The following CLSTN2 variants were observed in gnomAD, a reference collection of about 807,000 sequenced individuals.
CLSTN2 encodes calsyntenin-2.
CLSTN2 carries 48 observed loss-of-function variants against 101.2 expected under a neutral mutation model. The observed-to-expected ratio is 0.47, with a 90% CI of 0.38 to 0.60. CLSTN2 has a LOEUF of 0.60. Ranked by LOEUF, CLSTN2 falls within the 20% of genes least tolerant of loss-of-function variation. The pLI, the probability that CLSTN2 is intolerant of heterozygous loss-of-function variation, is 0.00. For missense variants in CLSTN2, 1,160 were observed against 1,238.2 expected (o/e 0.94, Z 0.95); for synonymous variants, 481 against 463.6 (o/e 1.04, Z -0.48).
At chr3:140,330,954 T>C (rs1040580619) in intron 2 of CLSTN2, among the ~76,000 whole-genome samples, 4 of 152,132 alleles carry the variant, frequency 2.6e-5, no homozygotes, top group Non-Finnish European at 5.9e-5. Flanking sequence ...TATATCTATA[T>C]AGAAAAGGGA....
At chr3:140,085,274 G>T (rs1367915751) in intron 1 of CLSTN2, among the ~76,000 whole-genome samples, 4 of 152,206 alleles carry the variant, frequency 2.6e-5, no homozygotes, top group Non-Finnish European at 5.9e-5. Context: ...TAGAGAACGT[G>T]TTCCCCTGTT....
chr3:140,039,315 G>A (rs114833781), intron 1 of CLSTN2, among the ~76,000 whole-genome samples: 1,573 of 151,498 alleles, frequency 0.01, 26 homozygotes, highest in African/African-American at 0.034. Flanking sequence ...GGCTTTTAGC[G>A]TTACTTTTAA....
chr3:140,190,740 C>A (rs1377046915), intron 2 of CLSTN2, among the ~76,000 whole-genome samples: 1 of 151,996 alleles, frequency 6.6e-6, no homozygotes, highest in South Asian at 2.1e-4. Flanking sequence ...TATAGACATA[C>A]AATTTTTTTT....
At chr3:140,473,827 G>A (rs1015723990) in intron 8 of CLSTN2, among the ~76,000 whole-genome samples, 3 of 151,720 alleles carry the variant, frequency 2.0e-5, no homozygotes, top group Non-Finnish European at 4.4e-5. Flanking sequence ...GTGCGATCTT[G>A]GCTCACTGTA....
chr3:140,546,577 A>G lies in CLSTN2; in HGVS notation c.1570A>G (p.Ile524Val). 6.2e-7 allele frequency: 1 copy of G among 1,614,096 alleles called. No homozygotes were observed. Among genetic ancestry groups the G allele is most frequent in the Non-Finnish European group, 8.5e-7 (1 of 1,179,984 alleles). The change falls in exon 10 of 17, where the codon ATC becomes GTC. Residue 524 changes from isoleucine (I) to valine (V), a missense_variant. Coordinates refer to ENST00000458420, the MANE Select transcript of CLSTN2 (RefSeq NM_022131.3). ...FFHGSLASLT[I>V]RPGKMESQKV... Reference sequence around the variant, plus strand: ...TCATGGAAGCCTGGCCAGTCTCACCATCCGCCCTGGCAAAATGGAAAGCCA... The same window carrying G: ...TCATGGAAGCCTGGCCAGTCTCACCGTCCGCCCTGGCAAAATGGAAAGCCA...
intron 8 of CLSTN2, among the ~76,000 whole-genome samples, chr3:140,503,292 T>C (rs918293386): frequency 6.6e-6 from 1 of 152,224 alleles, no homozygotes; most frequent in Non-Finnish European, 1.5e-5. Flanking sequence ...ATAGACTGCA[T>C]ATAGGAAGGT....
intron 2 of CLSTN2, among the ~76,000 whole-genome samples, chr3:140,196,130 C>G (rs2010640205): frequency 6.6e-6 from 1 of 152,164 alleles, no homozygotes; most frequent in African/African-American, 2.4e-5. Context: ...AGAAGAATGC[C>G]TGGGAACAGC....
intron 1 of CLSTN2, among the ~76,000 whole-genome samples, chr3:140,167,310 G>T (rs9855981): frequency 0.72 from 109,378 of 152,144 alleles, 41,989 homozygotes; most frequent in East Asian, 0.91. Flanking sequence ...GCCCATCCAC[G>T]TTCTTCTGCC....
intron 1 of CLSTN2, among the ~76,000 whole-genome samples, chr3:140,116,632 G>A (rs181562197): frequency 3.9e-5 from 6 of 152,160 alleles, no homozygotes; most frequent in East Asian, 1.9e-4. Flanking sequence ...TAACTTTTGC[G>A]CCCCCCAGGT....
At chr3:140,301,920 A>G (rs182916406) in intron 2 of CLSTN2, among the ~76,000 whole-genome samples, 148 of 152,128 alleles carry the variant, frequency 9.7e-4, no homozygotes, top group African/African-American at 3.5e-3. Context: ...TTTTTTGGAA[A>G]AGAGTCTTTG....
chr3:140,249,629 T>C (rs1159228532), intron 2 of CLSTN2, among the ~76,000 whole-genome samples: 3 of 152,220 alleles, frequency 2.0e-5, no homozygotes, highest in African/African-American at 7.2e-5. Context: ...ATCTCCATTT[T>C]ACAGATGAGA....
At chr3:140,076,314 G>T (rs182846962) in intron 1 of CLSTN2, among the ~76,000 whole-genome samples, 1 of 152,242 alleles carries the variant, frequency 6.6e-6, no homozygotes, top group East Asian at 1.9e-4. Context: ...TCTGTTGATG[G>T]ACTCTTAGGC....
At chr3:140,486,416 A>C (rs1056911847) in intron 8 of CLSTN2, among the ~76,000 whole-genome samples, 1 of 152,236 alleles carries the variant, frequency 6.6e-6, no homozygotes, top group East Asian at 1.9e-4. Context: ...TTAAGGGCAA[A>C]GGAACAATAG....
rs190646391 is a variant in CLSTN2, at chr3:139,962,318, A to C, written c.109+26835A>C. Among the ~76,000 whole-genome samples, 3 of 152,310 alleles carry C rather than the reference A, an allele frequency of 2.0e-5. No individual in the cohort carries two copies. In the East Asian group the frequency reaches 5.8e-4, roughly 29 times the overall value. ...AAAGTGCACATATTGAAAGTATATGATCTGATAACTTTTGACGTATGTATA... is the reference window on the plus strand; with the variant it reads ...AAAGTGCACATATTGAAAGTATATGCTCTGATAACTTTTGACGTATGTATA... On this transcript the variant is annotated intron_variant, in intron 1 of 16. Transcript: ENST00000458420.
chr3:140,508,509 A>G (rs1206552951), intron 8 of CLSTN2: 2 of 152,234 alleles, frequency 1.3e-5, no homozygotes, highest in African/African-American at 4.8e-5. Flanking sequence ...GTTAGAACCC[A>G]TAGGATGGGA....
intron 2 of CLSTN2, among the ~76,000 whole-genome samples, chr3:140,222,138 T>C (rs2086280590): frequency 6.6e-6 from 1 of 150,996 alleles, no homozygotes; most frequent in African/African-American, 2.4e-5. Flanking sequence ...TGGTCAGCCA[T>C]AAAACGAATG....
intron 1 of CLSTN2, among the ~76,000 whole-genome samples, chr3:139,954,193 C>T (rs1305788124): frequency 6.6e-6 from 1 of 152,176 alleles, no homozygotes; most frequent in Admixed American, 6.5e-5. Context: ...GAGTACTTGA[C>T]ACTCTTCTGC....
At chr3:140,513,726 G>A (rs972023037) in intron 8 of CLSTN2, among the ~76,000 whole-genome samples, 13 of 151,132 alleles carry the variant, frequency 8.6e-5, no homozygotes, top group African/African-American at 2.9e-4. Flanking sequence ...GCTCTTCTTT[G>A]TACCTCTGGT....
At chr3:140,427,714 G>A (rs1338577456) in intron 5 of CLSTN2, among the ~76,000 whole-genome samples, 10 of 152,154 alleles carry the variant, frequency 6.6e-5, no homozygotes, top group African/African-American at 2.2e-4. Flanking sequence ...GTATGCACCT[G>A]TCTCAACTTG....
Sources: gnomAD v4.1 joint callset for allele counts (sites outside exome capture counted in the v4.1 genomes callset) on GRCh38, gnomAD v4.1.1 for gene constraint, MANE v1.5 for transcripts, NCBI Gene and HGNC (gene_info 2026-07-23, HGNC 2026-07-21) for gene names.